The following TAFA5 variants were observed in gnomAD, a reference collection of about 807,000 sequenced individuals.
TAFA5 encodes the protein chemokine-like protein TAFA-5.
A neutral mutation model predicts 15.3 loss-of-function variants in TAFA5; 6 were observed. That is an observed-to-expected ratio of 0.39 (90% confidence interval 0.21 to 0.77). TAFA5 has a LOEUF of 0.77. Ranked by LOEUF, TAFA5 falls within the 30% of genes least tolerant of loss-of-function variation. The pLI is 0.41. For missense variants in TAFA5, 161 were observed against 193.1 expected (o/e 0.83, Z 0.98); for synonymous variants, 103 against 80.7 (o/e 1.28, Z -1.48).
chr22:48,742,768 A>T lies in TAFA5; in HGVS notation c.391-7071A>T, dbSNP rs1283508389. ...CAGGCATTATGGTGGACTGGGCAGCATGGTGTATTAGAAGAGGAGAGATGG... is the reference window on the plus strand; with the variant it reads ...CAGGCATTATGGTGGACTGGGCAGCTTGGTGTATTAGAAGAGGAGAGATGG... On this transcript the variant is annotated intron_variant, in intron 3 of 3. Transcript: ENST00000402357. This position sits in a 1 kb window ranked among gnomAD's most constrained non-coding sequence, Gnocchi z 6.2. 6.6e-6 allele frequency among the ~76,000 whole-genome samples: 1 copy of T among 152,128 alleles called. No individual in the cohort carries two copies. Among genetic ancestry groups the T allele is most frequent in the Non-Finnish European group, 1.5e-5 (1 of 68,016 alleles).
At chr22:48,571,671 T>C (rs1020908276) in intron 1 of TAFA5, among the ~76,000 whole-genome samples, 1 of 146,868 alleles carries the variant, frequency 6.8e-6, no homozygotes, top group Non-Finnish European at 1.5e-5. Flanking sequence ...GTCCATTAGA[T>C]CTAATCAGAA....
chr22:48,746,135 C>A (rs995697408), intron 3 of TAFA5, among the ~76,000 whole-genome samples: 3 of 151,864 alleles, frequency 2.0e-5, no homozygotes, highest in Non-Finnish European at 4.4e-5. Context: ...GTAGCTTGGT[C>A]GCCTCCGGCC....
At chr22:48,528,554 G>A (rs1300046980) in intron 1 of TAFA5, among the ~76,000 whole-genome samples, 2 of 152,198 alleles carry the variant, frequency 1.3e-5, no homozygotes, top group African/African-American at 4.8e-5. Flanking sequence ...GCCTAGGGTT[G>A]ATCCCAGGAG....
intron 1 of TAFA5, among the ~76,000 whole-genome samples, chr22:48,518,468 G>C (rs1055399515): frequency 6.6e-6 from 1 of 152,236 alleles, no homozygotes; most frequent in African/African-American, 2.4e-5. Flanking sequence ...ATGTCCGTCT[G>C]TGTCTCCTCC....
At chr22:48,505,902 A>G (rs1466322680) in intron 1 of TAFA5, among the ~76,000 whole-genome samples, 2 of 152,196 alleles carry the variant, frequency 1.3e-5, no homozygotes, top group South Asian at 2.1e-4. Flanking sequence ...GCTGGGGCAT[A>G]AACTGGTCAG....
At chr22:48,608,613 G>A (rs772929356) in intron 1 of TAFA5, among the ~76,000 whole-genome samples, 18 of 152,210 alleles carry the variant, frequency 1.2e-4, no homozygotes, top group Admixed American at 3.9e-4. Flanking sequence ...CCTGCTGACC[G>A]TGATGGTGGA....
chr22:48,602,139 T>A (rs1169176867), intron 1 of TAFA5, among the ~76,000 whole-genome samples: 1 of 152,144 alleles, frequency 6.6e-6, no homozygotes, highest in Non-Finnish European at 1.5e-5. Flanking sequence ...GCACATGCCC[T>A]CCCTCCTCCG....
chr22:48,741,384 G>A (rs758313195), intron 3 of TAFA5, among the ~76,000 whole-genome samples: 16 of 152,342 alleles, frequency 1.1e-4, no homozygotes, highest in African/African-American at 2.4e-4. Flanking sequence ...CACCTCCTGC[G>A]TCGGGCGTGG....
Position 48,576,666 on chromosome 22 carries a change from C to G in TAFA5, c.113-69931C>G, listed in dbSNP as rs1923819650. 17 of 1,220,012 alleles carry G rather than the reference C, an allele frequency of 1.4e-5. No homozygotes were observed. The East Asian group carries it at 6.0e-4, about 43-fold the overall frequency. 75.6% of individuals were successfully genotyped at this position (1,220,012 alleles called of 1,614,324 possible). A position where few individuals can be genotyped will look rare whatever the true frequency, so the allele number is the denominator to read the frequency against. The stretch of plus-strand genomic sequence containing the variant: ...CCCGGCTTCCAGCACGTTCCGCTGC[C>G]GCCGCGCTCGGCTGAGGCTCGTGGA... On this transcript the variant is annotated intron_variant, in intron 1 of 3. Coordinates refer to ENST00000402357, the MANE Select transcript of TAFA5 (RefSeq NM_001082967.3).
At chr22:48,617,120 A>C (rs560016989) in intron 1 of TAFA5, among the ~76,000 whole-genome samples, 2 of 152,180 alleles carry the variant, frequency 1.3e-5, no homozygotes, top group African/African-American at 4.8e-5. Flanking sequence ...GAACCTGCGG[A>C]TGTGTCATTT....
intron 1 of TAFA5, among the ~76,000 whole-genome samples, chr22:48,522,472 G>T (rs1921636881): frequency 6.6e-6 from 1 of 152,152 alleles, no homozygotes; most frequent in Non-Finnish European, 1.5e-5. Context: ...GCTGGTGGGG[G>T]CTGGTGGGCT....
chr22:48,658,950 G>C (rs150672199), intron 2 of TAFA5, among the ~76,000 whole-genome samples: 2 of 152,312 alleles, frequency 1.3e-5, no homozygotes, highest in African/African-American at 4.8e-5. Context: ...CGTCCAAAGA[G>C]GTCGTGTAAG....
At chr22:48,612,126 C>T (rs534215059) in intron 1 of TAFA5, among the ~76,000 whole-genome samples, 1 of 152,286 alleles carries the variant, frequency 6.6e-6, no homozygotes, top group South Asian at 2.1e-4. Flanking sequence ...TATGCAGGTG[C>T]AGGAGCCCTG....
chr22:48,656,491 C>T (rs1215045353), intron 2 of TAFA5, among the ~76,000 whole-genome samples: 2 of 150,206 alleles, frequency 1.3e-5, no homozygotes, highest in East Asian at 2.0e-4. Context: ...GGTGACAGAG[C>T]GAGACTCCAT....
chr22:48,556,437 C>T (rs1923041473), intron 1 of TAFA5, among the ~76,000 whole-genome samples: 1 of 152,260 alleles, frequency 6.6e-6, no homozygotes, highest in African/African-American at 2.4e-5. Context: ...AGCTTACACA[C>T]ATATGCACGC....
intron 3 of TAFA5, among the ~76,000 whole-genome samples, chr22:48,746,519 C>T (rs575318551): frequency 6.6e-6 from 1 of 152,280 alleles, no homozygotes; most frequent in South Asian, 2.1e-4. Flanking sequence ...GAGAGATGCT[C>T]ACGTGGTGCT....
chr22:48,679,675 T>G (rs71314872), intron 2 of TAFA5, among the ~76,000 whole-genome samples: 37 of 55,514 alleles, frequency 6.7e-4, no homozygotes, highest in South Asian at 1.8e-3. Context: ...CCCTCTCCCG[T>G]CTCCCCGTCC....
Position 48,574,753 on chromosome 22 carries a change from G to A in TAFA5, c.113-71844G>A, listed in dbSNP as rs190802222. Among the ~76,000 whole-genome samples the A allele has an allele frequency of 2.8e-4, 43 of 152,318 alleles. No individual in the cohort carries two copies. The East Asian group carries it at 6.2e-3, about 22-fold the overall frequency. Reference sequence around the variant, plus strand: ...TCAATTCAGGCAAAAATACCTTGAGGCCCACCACACTGGTCTTGGTACTGG... The same window carrying A: ...TCAATTCAGGCAAAAATACCTTGAGACCCACCACACTGGTCTTGGTACTGG... On this transcript the variant is annotated intron_variant, in intron 1 of 3. Coordinates refer to ENST00000402357, the MANE Select transcript of TAFA5 (RefSeq NM_001082967.3).
intron 1 of TAFA5, among the ~76,000 whole-genome samples, chr22:48,619,941 G>T (rs1307853585): frequency 6.6e-6 from 1 of 152,242 alleles, no homozygotes; most frequent in Non-Finnish European, 1.5e-5. Context: ...CCGCGGGCCT[G>T]GGGGCGTCGG....
Sources: gnomAD v4.1 joint callset for allele counts (sites outside exome capture counted in the v4.1 genomes callset) on GRCh38, gnomAD v4.1.1 for gene constraint, Gnocchi (gnomAD v3.1) non-coding constraint, MANE v1.5 for transcripts, NCBI Gene and HGNC (gene_info 2026-07-23, HGNC 2026-07-21) for gene names.